C4orf51: variants seen among roughly 807,000 people sequenced by gnomAD.
C4orf51 encodes chromosome 4 open reading frame 51.
C4orf51 carries 25 observed loss-of-function variants against 25.2 expected under a neutral mutation model. The observed-to-expected ratio is 0.99, with a 90% CI of 0.72 to 1.39. C4orf51 has a LOEUF of 1.39. Among genes scored for constraint, C4orf51 ranks in the 40% most tolerant of loss-of-function variants. The probability of loss-of-function intolerance (pLI) is 0.00; values close to 1 mark genes in which losing one functional copy is unlikely to be tolerated. For missense variants in C4orf51, 252 were observed against 239.6 expected (o/e 1.05, Z -0.34); for synonymous variants, 100 against 84.5 (o/e 1.18, Z -1.01).
intron 1 of C4orf51, among the ~76,000 whole-genome samples, chr4:145,750,864 G>A (rs1484527220): frequency 6.6e-6 from 1 of 151,808 alleles, no homozygotes; most frequent in Non-Finnish European, 1.5e-5. Flanking sequence ...CTCTGACTAT[G>A]TATTTTCAAA....
chr4:145,759,934 C>T (rs989256708), intron 1 of C4orf51: 3 of 152,198 alleles, frequency 2.0e-5, no homozygotes, highest in African/African-American at 7.2e-5. Context: ...AAATGATGCA[C>T]TGTGTGTGTG....
chr4:145,785,610 G>C, the C4orf51 span, among the ~76,000 whole-genome samples: 2 of 152,082 alleles, frequency 1.3e-5, no homozygotes, highest in East Asian at 3.9e-4. Context: ...CCAAATCTTA[G>C]TTCAAGGAGG....
intron 2 of C4orf51, among the ~76,000 whole-genome samples, chr4:145,700,016 T>G (rs569121064): frequency 6.6e-6 from 1 of 152,092 alleles, no homozygotes; most frequent in South Asian, 2.1e-4. Context: ...CCCCAATCCC[T>G]TATTTCTGCA....
chr4:145,770,907 C>T (rs545106932), intron 1 of C4orf51: 15 of 152,114 alleles, frequency 9.9e-5, no homozygotes, highest in Non-Finnish European at 1.5e-4. Context: ...TTTACAACTC[C>T]GCAGGGCAAC....
chr4:145,774,648 G>A (rs35479210), downstream of C4orf51: 307 of 1,613,714 alleles, frequency 1.9e-4, no homozygotes, highest in Middle Eastern at 2.1e-3. Flanking sequence ...CATTGAGCTC[G>A]GTCTCAAATC....
chr4:145,716,884 A>G (rs9999510), intron 2 of C4orf51, among the ~76,000 whole-genome samples: 72,627 of 152,042 alleles, frequency 0.48, 18,811 homozygotes, highest in African/African-American at 0.69. Context: ...GAGGACAGCT[A>G]ACCGTGTGTG....
intron 1 of C4orf51, among the ~76,000 whole-genome samples, chr4:145,740,240 C>CAAAAAAAA (rs60310006): frequency 7.6e-5 from 8 of 104,802 alleles, no homozygotes; most frequent in African/African-American, 2.5e-4. Flanking sequence ...TCCCTTTCTG[C>CAAAAAAAA]AAAAAAAAAA....
chr4:145,702,618 G>A (rs1730530418), intron 2 of C4orf51, among the ~76,000 whole-genome samples: 1 of 152,122 alleles, frequency 6.6e-6, no homozygotes, highest in Non-Finnish European at 1.5e-5. Flanking sequence ...ATATCGCCTG[G>A]TGCTATCCCC....
intron 1 of C4orf51, among the ~76,000 whole-genome samples, chr4:145,753,433 A>T (rs540515004): frequency 1.3e-5 from 2 of 152,184 alleles, no homozygotes; most frequent in South Asian, 4.2e-4. Flanking sequence ...CCATCAGTCC[A>T]TCTTTATCCC....
chr4:145,717,322 A>G (rs1215546056), intron 2 of C4orf51, among the ~76,000 whole-genome samples: 1 of 152,218 alleles, frequency 6.6e-6, no homozygotes, highest in African/African-American at 2.4e-5. Context: ...GGAATCAGTG[A>G]ATATACTCAT....
downstream of C4orf51, among the ~76,000 whole-genome samples, chr4:145,775,018 T>A (rs1736833088): frequency 6.6e-6 from 1 of 152,148 alleles, no homozygotes; most frequent in Admixed American, 6.5e-5. Context: ...ATTGCCAAGG[T>A]ATTTAGTGGT....
At chr4:145,698,418 T>C (rs1192060813) in intron 2 of C4orf51, among the ~76,000 whole-genome samples, 1 of 152,246 alleles carries the variant, frequency 6.6e-6, no homozygotes, top group African/African-American at 2.4e-5. Context: ...ACTCAAAGCA[T>C]GTGCTACCAG....
At chr4:145,741,116 C>G (rs1435001963) in intron 1 of C4orf51, among the ~76,000 whole-genome samples, 5 of 152,114 alleles carry the variant, frequency 3.3e-5, no homozygotes, top group Non-Finnish European at 7.4e-5. Flanking sequence ...GACCAGGGCT[C>G]CAACATAAAC....
At chr4:145,784,394 C>T in the C4orf51 span, among the ~76,000 whole-genome samples, 1 of 152,292 alleles carries the variant, frequency 6.6e-6, no homozygotes, top group South Asian at 2.1e-4. Flanking sequence ...ACTGAAGGCT[C>T]CTCCTATGGT....
chr4:145,776,040 G>A, the C4orf51 span: 1 of 1,525,846 alleles, frequency 6.6e-7, no homozygotes, highest in African/African-American at 1.4e-5. Context: ...TCAGTTAAAG[G>A]TATCAAGGAA....
chr4:145,781,940 A>T, the C4orf51 span, among the ~76,000 whole-genome samples: 15 of 152,262 alleles, frequency 9.9e-5, no homozygotes, highest in African/African-American at 3.4e-4. Context: ...TTCAAGTATC[A>T]ATCATGTACT....
chr4:145,739,888 A>G (rs1321381785), intron 1 of C4orf51, among the ~76,000 whole-genome samples: 2 of 152,180 alleles, frequency 1.3e-5, no homozygotes, highest in Non-Finnish European at 2.9e-5. Context: ...CTAGATTTTG[A>G]GATATGCATA....
intron 1 of C4orf51, among the ~76,000 whole-genome samples, chr4:145,751,264 C>G (rs1328029538): frequency 6.6e-6 from 1 of 152,092 alleles, no homozygotes; most frequent in Admixed American, 6.5e-5. Flanking sequence ...GTAGTCTGGG[C>G]TTGTTTGTAC....
At chr4:145,714,571 A>C (rs541458855) in intron 2 of C4orf51, among the ~76,000 whole-genome samples, 1 of 152,114 alleles carries the variant, frequency 6.6e-6, no homozygotes, top group Non-Finnish European at 1.5e-5. Context: ...GATTTCATTA[A>C]GTTGTCTGTG....
Sources: allele counts gnomAD v4.1 joint callset (sites outside exome capture counted in the v4.1 genomes callset), GRCh38; gene constraint gnomAD v4.1.1; transcripts MANE v1.5; gene names NCBI Gene and HGNC (gene_info 2026-07-23, HGNC 2026-07-21).